EPB41L4A: variants seen among roughly 807,000 people sequenced by gnomAD.
The protein encoded by EPB41L4A is erythrocyte membrane protein band 4.1 like 4A, also known as band 4.1-like protein 4A.
EPB41L4A carries 100 observed loss-of-function variants against 108.6 expected under a neutral mutation model. The observed-to-expected ratio is 0.92, with a 90% CI of 0.78 to 1.09. The LOEUF (loss-of-function observed/expected upper bound fraction) is 1.09. EPB41L4A is among the 50% of genes least tolerant of loss of function. EPB41L4A has a pLI of 0.00. For missense variants in EPB41L4A, 1,030 were observed against 842.7 expected (o/e 1.22, Z -2.75); for synonymous variants, 319 against 289.0 (o/e 1.10, Z -1.05).
intron 17 of EPB41L4A, among the ~76,000 whole-genome samples, chr5:112,190,316 G>C (rs889635093): frequency 6.6e-6 from 1 of 152,018 alleles, no homozygotes; most frequent in South Asian, 2.1e-4. Flanking sequence ...TTAAGGGGGG[G>C]GTGTTACATA....
At chr5:112,165,536 C>T (rs554785598) in intron 22 of EPB41L4A, among the ~76,000 whole-genome samples, 1 of 152,264 alleles carries the variant, frequency 6.6e-6, no homozygotes, top group South Asian at 2.1e-4. Flanking sequence ...GAGCCCCTAT[C>T]ACTTGTCTCA....
At chr5:112,147,736 TG>T (rs1161949364) in intron 12 of EPB41L4A, among the ~76,000 whole-genome samples, 1 of 150,814 alleles carries the variant, frequency 6.6e-6, no homozygotes, top group African/African-American at 2.4e-5. Context: ...AAAAAATGAA[TG>T]AAAAAGACAA....
At chr5:112,175,485 T>C (rs909977813) in intron 18 of EPB41L4A, 1 of 152,188 alleles carries the variant, frequency 6.6e-6, no homozygotes, top group African/African-American at 2.4e-5. Context: ...AATGAATTGA[T>C]TTTCTAGCTA....
rs1264632030 is a variant in EPB41L4A at position 112,176,996 on chromosome 5, C to T, written c.1623-6004G>A. Among the ~76,000 whole-genome samples, 5 of 152,012 alleles carry T rather than the reference C, an allele frequency of 3.3e-5. No homozygotes were observed. The South Asian group carries it at 6.2e-4, about 19-fold the overall frequency. On this transcript the variant is annotated intron_variant, in intron 18 of 22. Transcript: ENST00000261486. Reference sequence around the variant, plus strand: ...TCTTGAACTCCTGAACTCAGGTGATCGGCCTGCCTTGGCCTCCCAAAGTGC... The same window carrying T: ...TCTTGAACTCCTGAACTCAGGTGATTGGCCTGCCTTGGCCTCCCAAAGTGC...
intron 1 of EPB41L4A, among the ~76,000 whole-genome samples, chr5:112,416,830 G>C (rs1261872339): frequency 2.0e-5 from 3 of 152,168 alleles, no homozygotes; most frequent in Non-Finnish European, 4.4e-5. Context: ...ACCTCTACAT[G>C]CAAGTTTTTT....
At chr5:112,261,623 T>G (rs917960285) in intron 7 of EPB41L4A, among the ~76,000 whole-genome samples, 1 of 134,636 alleles carries the variant, frequency 7.4e-6, no homozygotes, top group African/African-American at 2.5e-5. Context: ...TCAGTGCAGA[T>G]TCAGTGTAAT....
chr5:112,396,828 A>G (rs1267551861), intron 1 of EPB41L4A, among the ~76,000 whole-genome samples: 1 of 152,242 alleles, frequency 6.6e-6, no homozygotes, highest in Non-Finnish European at 1.5e-5. Flanking sequence ...GGGCAGGTGA[A>G]TTAGCTTTTA....
chr5:112,291,318 G>A lies in EPB41L4A; in HGVS notation c.205-10995C>T, dbSNP rs115858286. On this transcript the variant is annotated intron_variant, in intron 2 of 22. Transcript: ENST00000261486. The stretch of plus-strand genomic sequence containing the variant: ...ACCTCGCATCTGTCTCTGCCTTAAG[G>A]CCCCCATGCCAGCTGTTCCTCCTGC... Among the ~76,000 whole-genome samples the A allele has an allele frequency of 4.2e-3, 642 of 152,098 alleles. 6 individuals carry two copies. Among genetic ancestry groups the A allele is most frequent in the African/African-American group, 0.015 (606 of 41,476 alleles).
chr5:112,259,174 A>C, intron 9 of EPB41L4A, 55 bp downstream of exon 9: 1 of 1,347,000 alleles, frequency 7.4e-7, no homozygotes, highest in Non-Finnish European at 1.1e-6. Context: ...TTAAGCTACA[A>C]ATGAACACAC....
intron 20 of EPB41L4A, 136 bp from the exon 21 acceptor site, chr5:112,169,241 A>G: frequency 1.5e-6 from 1 of 650,158 alleles, no homozygotes; most frequent in Admixed American, 2.8e-5. Context: ...AGGGTTTGAA[A>G]GCCTGAGTGA....
chr5:112,380,242 C>G (rs1474950846), intron 1 of EPB41L4A, among the ~76,000 whole-genome samples: 1 of 152,128 alleles, frequency 6.6e-6, no homozygotes, highest in East Asian at 1.9e-4. Context: ...TTAGAAGGAA[C>G]TGAAAACAAG....
At chr5:112,184,182 G>A (rs767844494) in intron 17 of EPB41L4A, 47 bp from the exon 18 acceptor site, 25 of 1,603,012 alleles carry the variant, frequency 1.6e-5, no homozygotes, top group South Asian at 5.6e-5. Flanking sequence ...CATGGATGGC[G>A]CGTTTTAGGT....
At position 112,199,933 on chromosome 5, in the gene EPB41L4A, C is replaced by T. The variant is rs538681745; in HGVS notation, c.1377-4225G>A. On this transcript the variant is annotated intron_variant, in intron 15 of 22. Coordinates refer to ENST00000261486, the MANE Select transcript of EPB41L4A (RefSeq NM_022140.5). ...TGCTGCCTGGTCTTCTGCTACTACC[C>T]ACTTTCACCATTTCTCCACAGGACA... Among the ~76,000 whole-genome samples the T allele has an allele frequency of 6.6e-5, 10 of 152,324 alleles. No individual in the cohort carries two copies. The South Asian group carries it at 1.9e-3, about 28-fold the overall frequency.
At chr5:112,240,689 A>G (rs768313726) in intron 10 of EPB41L4A, 30 bp downstream of exon 10, 20 of 1,266,930 alleles carry the variant, frequency 1.6e-5, no homozygotes, top group African/African-American at 3.1e-5. Flanking sequence ...ATTTATTAAG[A>G]CAACAAACAA....
At chr5:112,194,288 T>C (rs1312601126) in intron 17 of EPB41L4A, among the ~76,000 whole-genome samples, 1 of 151,988 alleles carries the variant, frequency 6.6e-6, no homozygotes, top group Non-Finnish European at 1.5e-5. Context: ...TTAGAGAAAT[T>C]CACTACACAT....
Position 112,204,491 on chromosome 5 carries a change from G to A in EPB41L4A, c.1263-3C>T, listed in dbSNP as rs565883368. ...CACTGGGAGAATTGTAGAGTCCACT[G>A]GAGAGAAAGAAAAATGGTCAAAAAG... On this transcript the variant is annotated splice_region_variant and splice_polypyrimidine_tract_variant and intron_variant, in intron 14 of 22. Coordinates refer to ENST00000261486, the MANE Select transcript of EPB41L4A (RefSeq NM_022140.5). 4 of 1,599,046 alleles carry A rather than the reference G, an allele frequency of 2.5e-6. No individual in the cohort carries two copies. The highest frequency in any genetic ancestry group is 3.4e-6 in the Non-Finnish European group (4 of 1,166,448).
chr5:112,372,694 T>C (rs1759566680), intron 1 of EPB41L4A, among the ~76,000 whole-genome samples: 1 of 152,134 alleles, frequency 6.6e-6, no homozygotes, highest in South Asian at 2.1e-4. Flanking sequence ...TCTGTCTTGA[T>C]AGGTGGCAGT....
At chr5:112,367,444 C>T (rs1014736115) in intron 1 of EPB41L4A, among the ~76,000 whole-genome samples, 3 of 152,190 alleles carry the variant, frequency 2.0e-5, no homozygotes, top group African/African-American at 7.2e-5. Context: ...TCACTGCTTA[C>T]ACAAACCTCC....
chr5:112,380,095 C>CCAA (rs944434468), intron 1 of EPB41L4A, among the ~76,000 whole-genome samples: 2 of 152,170 alleles, frequency 1.3e-5, no homozygotes, highest in African/African-American at 2.4e-5. Context: ...TGTCTCCCTG[C>CCAA]TCTTGGAGAG....
Sources: gnomAD v4.1 joint callset for allele counts (sites outside exome capture counted in the v4.1 genomes callset) on GRCh38, gnomAD v4.1.1 for gene constraint, MANE v1.5 for transcripts, NCBI Gene and HGNC (gene_info 2026-07-23, HGNC 2026-07-21) for gene names.